The following PCBP3 variants were observed in gnomAD, a reference collection of about 807,000 sequenced individuals.
The protein encoded by PCBP3 is poly(rC) binding protein 3.
PCBP3 carries 25 observed loss-of-function variants against 52.7 expected under a neutral mutation model. That is an observed-to-expected ratio of 0.47 (90% CI 0.35 to 0.66). PCBP3 has a LOEUF of 0.66. Ranked by LOEUF, PCBP3 falls within the 30% of genes least tolerant of loss-of-function variation. The probability of loss-of-function intolerance (pLI) is 0.01; values close to 1 mark genes in which losing one functional copy is unlikely to be tolerated. For missense variants in PCBP3, 391 were observed against 490.3 expected, an observed-to-expected ratio of 0.80 and a Z score of 1.91; for synonymous variants, 162 against 183.0, an observed-to-expected ratio of 0.89 and a Z score of 0.93.
chr21:45,779,266 C>T (rs1338481437), intron 4 of PCBP3, among the ~76,000 whole-genome samples: 2 of 152,166 alleles, frequency 1.3e-5, no homozygotes, highest in African/African-American at 4.8e-5. Flanking sequence ...CTGGCATCTC[C>T]TGATGTTATT....
intron 4 of PCBP3, among the ~76,000 whole-genome samples, chr21:45,838,398 C>A (rs1362152027): frequency 4.0e-5 from 6 of 151,582 alleles, no homozygotes; most frequent in Non-Finnish European, 2.9e-5. Flanking sequence ...TGTTTTTGTT[C>A]TAATAATAAT....
At chr21:45,719,022 C>T (rs1352390142) in intron 2 of PCBP3, among the ~76,000 whole-genome samples, 2 of 152,114 alleles carry the variant, frequency 1.3e-5, no homozygotes, top group Non-Finnish European at 2.9e-5. Flanking sequence ...TTGTGCTAAG[C>T]AGGGCCAAGC....
chr21:45,892,863 G>A (rs2095712186), intron 5 of PCBP3, among the ~76,000 whole-genome samples: 2 of 152,198 alleles, frequency 1.3e-5, no homozygotes, highest in Admixed American at 1.3e-4. Flanking sequence ...CACTGTGGGT[G>A]CCAGGACCCT....
chr21:45,939,996 G>T, intron 16 of PCBP3, 34 bp from the exon 17 acceptor site: 2 of 1,600,096 alleles, frequency 1.2e-6, no homozygotes, highest in South Asian at 2.2e-5. Flanking sequence ...GGCTTGGGCT[G>T]TTCTCTAAGA....
intron 6 of PCBP3, among the ~76,000 whole-genome samples, chr21:45,899,070 G>A (rs559254210): frequency 4.6e-5 from 7 of 151,660 alleles, no homozygotes; most frequent in African/African-American, 1.7e-4. Context: ...GAGATACTGG[G>A]CCACTCAGCC....
intron 4 of PCBP3, among the ~76,000 whole-genome samples, chr21:45,784,697 G>A (rs2090967249): frequency 6.6e-6 from 1 of 152,382 alleles, no homozygotes; most frequent in East Asian, 1.9e-4. Context: ...TCCTGACCGC[G>A]AGTGATCCGC....
At chr21:45,797,133 G>A (rs914840298) in intron 4 of PCBP3, among the ~76,000 whole-genome samples, 8 of 152,198 alleles carry the variant, frequency 5.3e-5, no homozygotes, top group African/African-American at 1.9e-4. Context: ...TGGTGTATGG[G>A]CCTACAGAGA....
At chr21:45,739,820 C>T (rs945122614) in intron 3 of PCBP3, among the ~76,000 whole-genome samples, 9 of 152,218 alleles carry the variant, frequency 5.9e-5, no homozygotes, top group Non-Finnish European at 2.9e-5. Context: ...GCCCACAGCA[C>T]CTGGTGCTGC....
At chr21:45,901,752 GAGAC>G (rs374308944) in intron 9 of PCBP3, among the ~76,000 whole-genome samples, 5 of 150,784 alleles carry the variant, frequency 3.3e-5, no homozygotes, top group African/African-American at 1.2e-4. Flanking sequence ...GAAAGAGAGA[GAGAC>G]AGAGACAGAG....
intron 13 of PCBP3, among the ~76,000 whole-genome samples, chr21:45,921,595 C>T (rs983479839): frequency 1.3e-5 from 2 of 152,104 alleles, no homozygotes; most frequent in East Asian, 1.9e-4. Flanking sequence ...GCAGGTGGAT[C>T]GCTTGAGCTC....
intron 13 of PCBP3, among the ~76,000 whole-genome samples, chr21:45,924,275 G>C (rs2074999388): frequency 6.7e-6 from 1 of 148,166 alleles, no homozygotes; most frequent in Non-Finnish European, 1.5e-5. Flanking sequence ...GTAAGATCGG[G>C]TGTGCGTGAG....
chr21:45,869,112 T>C (rs1221029651), intron 5 of PCBP3: 2 of 152,176 alleles, frequency 1.3e-5, no homozygotes, highest in Admixed American at 6.5e-5. Context: ...TCTGTAACTT[T>C]CTCCAATGCA....
At chr21:45,809,057 A>C (rs895857730) in intron 4 of PCBP3, among the ~76,000 whole-genome samples, 5 of 152,076 alleles carry the variant, frequency 3.3e-5, no homozygotes, top group Non-Finnish European at 7.4e-5. Flanking sequence ...GGGGCTAGGC[A>C]AGGGATAGCA....
chr21:45,758,681 T>TTTG (rs1222873717), intron 4 of PCBP3, among the ~76,000 whole-genome samples: 1 of 152,168 alleles, frequency 6.6e-6, no homozygotes, highest in African/African-American at 2.4e-5. Flanking sequence ...CTAAACTTGT[T>TTTG]TTGTAGCTCT....
chr21:45,718,304 A>G (rs2084367658), intron 2 of PCBP3, among the ~76,000 whole-genome samples: 1 of 148,372 alleles, frequency 6.7e-6, no homozygotes, highest in African/African-American at 2.5e-5. Flanking sequence ...TTTAATTTCT[A>G]TTTAATTTCT....
At chr21:45,910,109 C>A (rs1603489905) in intron 10 of PCBP3, among the ~76,000 whole-genome samples, 1 of 9,898 alleles carries the variant, frequency 1.0e-4, no homozygotes, top group Admixed American at 8.0e-4. Context: ...CCCCCCCCAC[C>A]CACTGCCCAG....
intron 2 of PCBP3, among the ~76,000 whole-genome samples, chr21:45,716,518 A>T (rs1490372976): frequency 6.6e-6 from 1 of 152,124 alleles, no homozygotes; most frequent in Non-Finnish European, 1.5e-5. Flanking sequence ...TGGAGATGAC[A>T]TCTTCTTGCT....
In PCBP3 at chr21:45,717,404, C is replaced by T. The variant is rs140293616; in HGVS notation, c.-199-17988C>T. Among the ~76,000 whole-genome samples the T allele has an allele frequency of 1.3e-3, 201 of 152,256 alleles. 2 individuals are homozygous for T. The highest frequency in any genetic ancestry group is 4.4e-3 in the African/African-American group (181 of 41,566). On this transcript the variant is annotated intron_variant, in intron 2 of 17. Transcript: ENST00000681687. ...ACTGGCAAGGGCAGGCATCCTTGTC[C>T]TGTTTCTCATCTTAGGGGAAAAGCT...
chr21:45,913,253 G>A (rs575778299), intron 11 of PCBP3, among the ~76,000 whole-genome samples: 3 of 152,352 alleles, frequency 2.0e-5, no homozygotes, highest in African/African-American at 7.2e-5. Context: ...AAACCTCATC[G>A]TAACTATGGG....
Sources: gnomAD v4.1 joint callset for allele counts (sites outside exome capture counted in the v4.1 genomes callset) on GRCh38, gnomAD v4.1.1 for gene constraint, MANE v1.5 for transcripts, NCBI Gene and HGNC (gene_info 2026-07-23, HGNC 2026-07-21) for gene names.